Variants in LRP2 observed in about 807,000 individuals in gnomAD.
LRP2 encodes LDL receptor related protein 2, also known as low-density lipoprotein receptor-related protein 2.
Under a neutral mutation model 531.0 loss-of-function variants are expected in LRP2, and 172 were observed. The ratio of observed to expected loss-of-function variants is 0.32; its 90% CI spans 0.29 to 0.37. The LOEUF (loss-of-function observed/expected upper bound fraction) is 0.37. Ranked by LOEUF, LRP2 falls within the 10% of genes least tolerant of loss-of-function variation. The pLI is 1.00. For missense variants in LRP2, 5,167 were observed against 5,868.3 expected (o/e 0.88, Z 3.90); for synonymous variants, 1,992 against 2,027.6 (o/e 0.98, Z 0.47).
rs1683908880 is a variant in LRP2, at chr2:169,288,261, T to C, written c.1042+765A>G. 2.0e-5 allele frequency among the ~76,000 whole-genome samples: 3 copies of C among 152,148 alleles called. No individual in the cohort carries two copies. In the South Asian group the frequency reaches 6.2e-4, roughly 32 times the overall value. On this transcript the variant is annotated intron_variant, in intron 9 of 78. Transcript: ENST00000649046. ...GATGATAGTTGGTCAAGTCTAATTC[T>C]CCCATCATAAGGCCCCGTCCTAATC...
rs775506737 is a variant in LRP2 at position 169,213,879 on chromosome 2, T to C, written c.5827-9A>G. 1.9e-6 allele frequency: 3 copies of C among 1,602,584 alleles called. No homozygotes were observed. Among genetic ancestry groups the C allele is most frequent in the Non-Finnish European group, 2.6e-6 (3 of 1,170,006 alleles). ...ACGTTTCCTCTTTCAATCTAAAGGA[T>C]TGGAATTTTCATTAGTTTCATGGAT... On this transcript the variant is annotated splice_polypyrimidine_tract_variant and intron_variant, in intron 35 of 78. Transcript: ENST00000649046.
intron 49 of LRP2, 27 bp from the exon 50 acceptor site, chr2:169,186,046 A>T (rs779825037): frequency 3.1e-6 from 5 of 1,604,960 alleles, no homozygotes; most frequent in Non-Finnish European, 4.3e-6. Context: ...GTTCTTAGAG[A>T]TCCTAAAATA....
At chr2:169,239,798 T>A in intron 25 of LRP2, 23 bp from the exon 26 acceptor site, 1 of 1,601,204 alleles carries the variant, frequency 6.2e-7, no homozygotes, top group Non-Finnish European at 8.6e-7. Flanking sequence ...AAGAGAATAA[T>A]GAAAAAAGAA....
At chr2:169,172,483 A>G (rs760722714) in intron 57 of LRP2, among the ~76,000 whole-genome samples, 8 of 152,226 alleles carry the variant, frequency 5.3e-5, no homozygotes, top group Non-Finnish European at 1.2e-4. Context: ...CAGTGTTCTT[A>G]AAAGAATTTA....
At chr2:169,353,938 C>A (rs1161642785) in intron 1 of LRP2, among the ~76,000 whole-genome samples, 2 of 152,312 alleles carry the variant, frequency 1.3e-5, no homozygotes, top group Admixed American at 6.5e-5. Flanking sequence ...CTGCAGGGAG[C>A]CATGCACTCC....
At chr2:169,195,198 G>A (rs1298830859) in intron 46 of LRP2, among the ~76,000 whole-genome samples, 6 of 152,076 alleles carry the variant, frequency 3.9e-5, no homozygotes, top group East Asian at 1.9e-4. Flanking sequence ...TGGACCATTC[G>A]CATTTTAAAA....
At chr2:169,283,409 A>G (rs1049795563) in intron 9 of LRP2, among the ~76,000 whole-genome samples, 10 of 152,236 alleles carry the variant, frequency 6.6e-5, no homozygotes, top group African/African-American at 2.4e-4. Flanking sequence ...AAAATAAAAT[A>G]AAATTAATAA....
intron 43 of LRP2, 77 bp downstream of exon 43, chr2:169,202,679 A>G: frequency 1.4e-6 from 2 of 1,431,758 alleles, no homozygotes; most frequent in Non-Finnish European, 2.0e-6. Context: ...ACATTCACAC[A>G]TAGCAGGATT....
chr2:169,275,028 A>T lies in LRP2; in HGVS notation c.1975+8T>A. 1 of 1,613,074 alleles carries T rather than the reference A, an allele frequency of 6.2e-7. No homozygotes were observed. Among genetic ancestry groups the T allele is most frequent in the Non-Finnish European group, 8.5e-7 (1 of 1,179,342 alleles). On this transcript the variant is annotated splice_region_variant and intron_variant, in intron 14 of 78. Coordinates refer to ENST00000649046, the MANE Select transcript of LRP2 (RefSeq NM_004525.3). ...ACCAAGCATGGTTACCACTGCTCTG[A>T]GGCTTACCATAGGGCTGTCTGAGGG...
chr2:169,205,784 G>C lies in LRP2; in HGVS notation c.7557-147C>G, dbSNP rs1044340816. 1.1e-5 allele frequency: 11 copies of C among 963,026 alleles called. No homozygotes were observed. The Admixed American group carries it at 1.2e-4, about 11-fold the overall frequency. The allele number at this position is 963,026 out of a possible 1,614,324, so 59.7% of individuals were successfully genotyped here. A position where few individuals can be genotyped will look rare whatever the true frequency, so the allele number is the denominator to read the frequency against. ...TTCTACTTACACAACTTGTCCAAAGGAGATCTAGTAAGTCAGGGTGTTGAC... is the reference window on the plus strand; with the variant it reads ...TTCTACTTACACAACTTGTCCAAAGCAGATCTAGTAAGTCAGGGTGTTGAC... On this transcript the variant is annotated intron_variant, in intron 40 of 78. Transcript: ENST00000649046.
chr2:169,330,985 G>A (rs1685248974), intron 1 of LRP2, among the ~76,000 whole-genome samples: 1 of 152,116 alleles, frequency 6.6e-6, no homozygotes, highest in Admixed American at 6.5e-5. Context: ...GCTAGTACCA[G>A]CAACTTGAAA....
At chr2:169,339,545 G>T (rs1439664641) in intron 1 of LRP2, among the ~76,000 whole-genome samples, 1 of 151,880 alleles carries the variant, frequency 6.6e-6, no homozygotes, top group Non-Finnish European at 1.5e-5. Context: ...ATATTTCAAG[G>T]GTGTTTAAGA....
chr2:169,211,887 G>T, intron 37 of LRP2, 81 bp downstream of exon 37: 1 of 1,563,452 alleles, frequency 6.4e-7, no homozygotes, highest in South Asian at 1.1e-5. Context: ...ATCCACACAT[G>T]AAGAAATGTT....
chr2:169,190,451 C>A (rs915391981), intron 48 of LRP2, among the ~76,000 whole-genome samples: 1 of 152,162 alleles, frequency 6.6e-6, no homozygotes, highest in Non-Finnish European at 1.5e-5. Flanking sequence ...TCCTTCACCT[C>A]CTCCTTCTTC....
At chr2:169,329,224 G>A (rs925818586) in intron 1 of LRP2, among the ~76,000 whole-genome samples, 1 of 152,188 alleles carries the variant, frequency 6.6e-6, no homozygotes, top group Non-Finnish European at 1.5e-5. Context: ...TGAAGAGGGA[G>A]ACCAGGCTTT....
intron 1 of LRP2, among the ~76,000 whole-genome samples, chr2:169,354,713 C>G (rs830942): frequency 1.3e-5 from 2 of 152,140 alleles, no homozygotes; most frequent in Admixed American, 6.5e-5. Context: ...TAGAGACCAA[C>G]AAAGTAACCA....
At chr2:169,174,676 T>C (rs544952470) in intron 55 of LRP2, among the ~76,000 whole-genome samples, 2 of 152,096 alleles carry the variant, frequency 1.3e-5, no homozygotes, top group African/African-American at 4.8e-5. Flanking sequence ...GCCAGGCTAA[T>C]TTTTTGTATT....
intron 63 of LRP2, 152 bp from the exon 64 acceptor site, chr2:169,157,654 G>C: frequency 1.3e-6 from 1 of 794,020 alleles, no homozygotes; most frequent in Non-Finnish European, 2.1e-6. Context: ...GGCACTGGGG[G>C]AGTCAGGATT....
rs369145798 is a variant in LRP2, at chr2:169,280,515, G to T, written c.1176C>A (p.Gly392=). Residue 392 remains glycine (G), a synonymous_variant, in exon 11 of 79, where the codon GGC becomes GGA. Coordinates refer to ENST00000649046, the MANE Select transcript of LRP2 (RefSeq NM_004525.3). ...CATTGGAGAAGATAATGGAGGCCTC[G>T]CCAACTAAATGCGAAGAAGGAAGGC... ...GQYCKANDSF[G]EASIIFSNGR... 3 of 1,613,816 alleles carry T rather than the reference G, an allele frequency of 1.9e-6. No homozygotes were observed. The African/African-American group carries it at 4.0e-5, about 22-fold the overall frequency.
Sources: gnomAD v4.1 joint callset for allele counts (sites outside exome capture counted in the v4.1 genomes callset) on GRCh38, gnomAD v4.1.1 for gene constraint, MANE v1.5 for transcripts, NCBI Gene and HGNC (gene_info 2026-07-23, HGNC 2026-07-21) for gene names.